Variants in CCND2 observed in about 807,000 individuals in gnomAD.
CCND2 encodes the protein G1/S-specific cyclin-D2.
In CCND2, 6 loss-of-function variants were observed where a neutral mutation model predicts 30.2. The ratio of observed to expected loss-of-function variants is 0.20; its 90% CI spans 0.11 to 0.39. CCND2 has a LOEUF of 0.39. CCND2 is among the 10% of genes least tolerant of loss of function. The probability of loss-of-function intolerance (pLI) is 1.00; values close to 1 mark genes in which losing one functional copy is unlikely to be tolerated. For synonymous variants in CCND2, 150 were observed against 153.1 expected (o/e 0.98, Z 0.15); for missense variants, 235 against 373.4 (o/e 0.63, Z 3.06).
Position 4,303,268 on chromosome 12 carries a change from G to A in CCND2, c.*3259G>A, listed in dbSNP as rs1864275790. 4.3e-6 allele frequency: 1 copy of A among 233,334 alleles called. No individual in the cohort carries two copies. The allele number at this position is 233,334 out of a possible 1,614,324, so 14.5% of individuals were successfully genotyped here. On this transcript the variant is annotated 3_prime_UTR_variant, in exon 5 of 5. Transcript: ENST00000261254. The surrounding 1 kb of genome is among the most constrained non-coding windows in gnomAD (Gnocchi z 4.6). ...TGGGGCTGCCGATGGGAAAGTCGGG[G>A]GTTGTTAGGCTTTTCTGCCTGCTCC...
At position 4,274,274 on chromosome 12, in the gene CCND2, C is replaced by T; in HGVS notation, c.195+39C>T. On this transcript the variant is annotated intron_variant, in intron 1 of 4. Coordinates refer to ENST00000261254, the MANE Select transcript of CCND2 (RefSeq NM_001759.4). The surrounding 1 kb of genome is among the most constrained non-coding windows in gnomAD (Gnocchi z 7.7). ...TGGCGCTCGCCAGGAGCCAGGACCCCTCCGGATGCTCGGGTCCCCGGCCGG... is the reference window on the plus strand; with the variant it reads ...TGGCGCTCGCCAGGAGCCAGGACCCTTCCGGATGCTCGGGTCCCCGGCCGG... 6.3e-7 allele frequency: 1 copy of T among 1,597,546 alleles called. No homozygotes were observed. Among genetic ancestry groups the T allele is most frequent in the Non-Finnish European group, 8.6e-7 (1 of 1,168,236 alleles).
At position 4,300,104 on chromosome 12, in the gene CCND2, TAA is replaced by T; in HGVS notation, c.*104_*105del. 3 of 1,249,540 alleles carry T rather than the reference TAA, an allele frequency of 2.4e-6. No individual in the cohort carries two copies. The highest frequency in any genetic ancestry group is 3.2e-6 in the Non-Finnish European group (3 of 942,428). 77.4% of individuals were successfully genotyped at this position (1,249,540 alleles called of 1,614,324 possible). A position where few individuals can be genotyped will look rare whatever the true frequency, so the allele number is the denominator to read the frequency against. On this transcript the variant is annotated 3_prime_UTR_variant, in exon 5 of 5. Transcript: ENST00000261254. ...GTTCTTTGTGTTTTAGGGTGAAACTTAAAAAAAAAATTCTGCCCCCACCTAGA... is the reference window on the plus strand; with the variant it reads ...GTTCTTTGTGTTTTAGGGTGAAACTTAAAAAAAATTCTGCCCCCACCTAGA...
chr12:4,297,097 A>G (rs1864180073), intron 4 of CCND2, among the ~76,000 whole-genome samples: 2 of 152,166 alleles, frequency 1.3e-5, no homozygotes, highest in South Asian at 4.1e-4. Context: ...ATGGTATGAG[A>G]CTTGCCATTC....
At position 4,301,738 on chromosome 12, in the gene CCND2, G is replaced by A. The variant is rs1409278001; in HGVS notation, c.*1729G>A. ...GCTAAAGTCATCCATCCTTATTCAC[G>A]TTGACAGTACCTAGCTGTAATGTTT... On this transcript the variant is annotated 3_prime_UTR_variant, in exon 5 of 5. Coordinates refer to ENST00000261254, the MANE Select transcript of CCND2 (RefSeq NM_001759.4). 8 of 192,818 alleles carry A rather than the reference G, an allele frequency of 4.1e-5. No individual in the cohort carries two copies. Among genetic ancestry groups the A allele is most frequent in the South Asian group, 2.0e-4 (1 of 4,926 alleles). 11.9% of individuals were successfully genotyped at this position (192,818 alleles called of 1,614,324 possible).
intron 3 of CCND2, among the ~76,000 whole-genome samples, chr12:4,286,177 A>G (rs936419253): frequency 3.9e-5 from 6 of 152,248 alleles, no homozygotes; most frequent in African/African-American, 1.4e-4. Flanking sequence ...TCTTAACGAC[A>G]TACGGTGAGC....
At chr12:4,275,946 T>C in intron 1 of CCND2, 59 bp from the exon 2 acceptor site, 1 of 1,078,852 alleles carries the variant, frequency 9.3e-7, no homozygotes. Context: ...TCTTTTTCTC[T>C]TTTGCTGATG....
At chr12:4,278,966 G>A (rs773024884) in intron 3 of CCND2, 47 bp downstream of exon 3, 2 of 1,573,556 alleles carry the variant, frequency 1.3e-6, no homozygotes, top group South Asian at 1.1e-5. Context: ...AGCTCTTTTG[G>A]GAGATGTCCG....
intron 4 of CCND2, among the ~76,000 whole-genome samples, chr12:4,294,976 G>A (rs1864148155): frequency 6.6e-6 from 1 of 152,184 alleles, no homozygotes; most frequent in African/African-American, 2.4e-5. Flanking sequence ...CTGCCCTCCT[G>A]CTTTGGGCAA....
intron 3 of CCND2, 39 bp from the exon 4 acceptor site, chr12:4,288,803 C>A: frequency 6.3e-7 from 1 of 1,575,282 alleles, no homozygotes; most frequent in South Asian, 1.2e-5. Context: ...GATCCAAATT[C>A]GTTCTGTGCC....
Position 4,303,146 on chromosome 12 carries a change from C to T in CCND2, c.*3137C>T, listed in dbSNP as rs1270176372. ...GCACAAGCCTACCCGACTCTATTTA[C>T]AGTCTGTAACTTTCCACTCTTCCTG... On this transcript the variant is annotated 3_prime_UTR_variant, in exon 5 of 5. Coordinates refer to ENST00000261254, the MANE Select transcript of CCND2 (RefSeq NM_001759.4). This position sits in a 1 kb window ranked among gnomAD's most constrained non-coding sequence, Gnocchi z 4.6. 8.6e-6 allele frequency: 2 copies of T among 233,242 alleles called. No homozygotes were observed. Among genetic ancestry groups the T allele is most frequent in the Non-Finnish European group, 1.7e-5 (2 of 118,084 alleles). 14.4% of individuals were successfully genotyped at this position (233,242 alleles called of 1,614,324 possible).
chr12:4,287,738 G>A lies in CCND2; in HGVS notation c.572-1104G>A, dbSNP rs559384644. Among the ~76,000 whole-genome samples, 37 of 152,340 alleles carry A rather than the reference G, an allele frequency of 2.4e-4. No homozygotes were observed. The highest frequency in any genetic ancestry group is 2.1e-3 in the Admixed American group (32 of 15,298). On this transcript the variant is annotated intron_variant, in intron 3 of 4. Coordinates refer to ENST00000261254, the MANE Select transcript of CCND2 (RefSeq NM_001759.4). The surrounding 1 kb of genome is among the most constrained non-coding windows in gnomAD (Gnocchi z 4.0). ...AATTAAACAGGACGTAATGTGTAGC[G>A]TACTGCATGTGGTGGTCATTGGTAG...
At position 4,280,430 on chromosome 12, in the gene CCND2, TCTC is replaced by T. The variant is rs3217814; in HGVS notation, c.571+1514_571+1516del. On this transcript the variant is annotated intron_variant, in intron 3 of 4. Coordinates refer to ENST00000261254, the MANE Select transcript of CCND2 (RefSeq NM_001759.4). ...CCTTGCTGGTTTTCTGTAGTCCTGT[TCTC>T]CTGGATGCAGGCCAGGCCTCATGGC... Among the ~76,000 whole-genome samples the T allele has an allele frequency of 6.8e-3, 1,030 of 152,322 alleles. 7 individuals are homozygous for T. Among genetic ancestry groups the T allele is most frequent in the African/African-American group, 0.022 (934 of 41,582 alleles).
intron 3 of CCND2, 103 bp from the exon 4 acceptor site, chr12:4,288,739 C>T (rs1864057100): frequency 2.5e-6 from 3 of 1,178,162 alleles, no homozygotes; most frequent in African/African-American, 3.1e-5. Context: ...GTCACTCGCG[C>T]CGCTGACCTG....
rs587777621 is a variant in CCND2, at chr12:4,299,980, C to T, written c.841C>T (p.Pro281Ser). Residue 281 changes from proline to serine, a missense_variant, in exon 5 of 5, where the codon CCT becomes TCT. Physicochemically the swap from Pro to Ser is moderately conservative, Grantham distance 74. Transcript: ENST00000261254. This position sits in a 1 kb window ranked among gnomAD's most constrained non-coding sequence, Gnocchi z 5.2. The part of the protein sequence containing the change: ...SEDELDQAST[P>S]TDVRDIDL Reference sequence around the variant, plus strand: ...GGATGAACTGGACCAAGCCAGCACCCCTACAGACGTGCGGGATATCGACCT... The same window carrying T: ...GGATGAACTGGACCAAGCCAGCACCTCTACAGACGTGCGGGATATCGACCT... 2.5e-6 allele frequency: 4 copies of T among 1,613,918 alleles called. No individual in the cohort carries two copies. Among genetic ancestry groups the T allele is most frequent in the African/African-American group, 1.3e-5 (1 of 74,886 alleles).
At position 4,287,099 on chromosome 12, in the gene CCND2, G is replaced by A. The variant is rs968852486; in HGVS notation, c.572-1743G>A. Among the ~76,000 whole-genome samples the A allele has an allele frequency of 2.6e-5, 4 of 152,220 alleles. No individual in the cohort carries two copies. Among genetic ancestry groups the A allele is most frequent in the South Asian group, 2.1e-4 (1 of 4,828 alleles). ...CACTGTTCATGGCGACAGAGAAGGC[G>A]TAGGAGGGGCGGGTGGACAGCAGGC... On this transcript the variant is annotated intron_variant, in intron 3 of 4. Transcript: ENST00000261254. This position sits in a 1 kb window ranked among gnomAD's most constrained non-coding sequence, Gnocchi z 4.0.
At position 4,304,423 on chromosome 12, in the gene CCND2, G is replaced by A. The variant is rs959647052; in HGVS notation, c.*4414G>A. On this transcript the variant is annotated 3_prime_UTR_variant, in exon 5 of 5. Transcript: ENST00000261254. The surrounding 1 kb of genome is among the most constrained non-coding windows in gnomAD (Gnocchi z 6.2). ...ATAGAATGAGTGCAGGTTTCTATTGGTGTGGACTCAGAGCAATTTACAAGA... is the reference window on the plus strand; with the variant it reads ...ATAGAATGAGTGCAGGTTTCTATTGATGTGGACTCAGAGCAATTTACAAGA... 1.7e-5 allele frequency: 4 copies of A among 233,544 alleles called. No individual in the cohort carries two copies. Among genetic ancestry groups the A allele is most frequent in the Admixed American group, 1.7e-4 (3 of 17,782 alleles). 14.5% of individuals were successfully genotyped at this position (233,544 alleles called of 1,614,324 possible).
chr12:4,298,807 C>G (rs1864208910), intron 4 of CCND2, among the ~76,000 whole-genome samples: 1 of 152,196 alleles, frequency 6.6e-6, no homozygotes, highest in African/African-American at 2.4e-5. Flanking sequence ...CTTACTAGCA[C>G]CAGCAACGGT....
At chr12:4,292,299 G>A (rs1864111975) in intron 4 of CCND2, among the ~76,000 whole-genome samples, 1 of 150,962 alleles carries the variant, frequency 6.6e-6, no homozygotes, top group Non-Finnish European at 1.5e-5. Context: ...TTTGCCCCCT[G>A]GCCCTAGTGC....
At chr12:4,289,152 A>T (rs1421064489) in intron 4 of CCND2, 162 bp downstream of exon 4, 2 of 343,794 alleles carry the variant, frequency 5.8e-6, no homozygotes, top group Non-Finnish European at 9.8e-6. Context: ...ACCCCCTCTT[A>T]AGGTTCTGAA....
Sources: gnomAD v4.1 joint callset for allele counts (sites outside exome capture counted in the v4.1 genomes callset) on GRCh38, gnomAD v4.1.1 for gene constraint, Gnocchi (gnomAD v3.1) non-coding constraint, MANE v1.5 for transcripts, NCBI Gene and HGNC (gene_info 2026-07-23, HGNC 2026-07-21) for gene names.